Variants in GAL observed in about 807,000 individuals in gnomAD.
GAL encodes galanin and GMAP prepropeptide.
GAL carries 14 observed loss-of-function variants against 15.8 expected under a neutral mutation model. The ratio of observed to expected loss-of-function variants is 0.89; its 90% CI spans 0.59 to 1.39. GAL has a LOEUF of 1.39. GAL is among the 40% of genes most tolerant of loss of function. The probability of loss-of-function intolerance (pLI) is 0.00; values close to 1 mark genes in which losing one functional copy is unlikely to be tolerated. For synonymous variants in GAL, 79 were observed against 73.8 expected, an observed-to-expected ratio of 1.07 and a Z score of -0.36; for missense variants, 176 against 170.4, an observed-to-expected ratio of 1.03 and a Z score of -0.18.
chr11:68,685,043 T>A (rs1367796250), intron 2 of GAL, 39 bp downstream of exon 2: 1 of 1,389,556 alleles, frequency 7.2e-7, no homozygotes, highest in Admixed American at 1.9e-5. Flanking sequence ...GAAGGGGACA[T>A]CAGAGCCGGC....
Position 68,684,661 on chromosome 11 carries a change from G to GGACCTGCCGCCCA in GAL, c.-67_-55dup. On this transcript the variant is annotated 5_prime_UTR_variant, in exon 1 of 6. Coordinates refer to ENST00000265643, the MANE Select transcript of GAL (RefSeq NM_015973.5). ...GCCCACCCGACCCGGCCCGACGCCC[G>GGACCTGCCGCCCA]GACCTGCCGCCCAGACCCGCCACCG... The GGACCTGCCGCCCA allele has an allele frequency of 2.8e-6, 1 of 354,988 alleles. No individual in the cohort carries two copies. The highest frequency in any genetic ancestry group is 5.0e-6 in the Non-Finnish European group (1 of 198,388). 22.0% of individuals were successfully genotyped at this position (354,988 alleles called of 1,614,324 possible).
chr11:68,685,574 T>C lies in GAL; in HGVS notation c.82-20T>C, dbSNP rs1443106521. ...CTCCAGGCACAGCCCTGGCATCTGA[T>C]CCCCTTTTCTCCCTTCAAGGCCAAG... is the stretch of plus-strand genomic sequence containing the variant. On this transcript the variant is annotated intron_variant, in intron 2 of 5. Coordinates refer to ENST00000265643, the MANE Select transcript of GAL (RefSeq NM_015973.5). The C allele has an allele frequency of 3.1e-6, 5 of 1,596,508 alleles. No individual in the cohort carries two copies. The highest frequency in any genetic ancestry group is 4.3e-6 in the Non-Finnish European group (5 of 1,164,222).
intron 3 of GAL, 109 bp from the exon 4 acceptor site, chr11:68,687,905 G>T (rs762609605): frequency 4.3e-6 from 3 of 700,286 alleles, no homozygotes; most frequent in East Asian, 2.6e-5. Context: ...TTTCACAGTC[G>T]AGTTGCGTGT....
chr11:68,684,831 C>G, intron 1 of GAL, 93 bp from the exon 2 acceptor site: 2 of 745,476 alleles, frequency 2.7e-6, no homozygotes, highest in Non-Finnish European at 4.5e-6. Flanking sequence ...GCCCGGCCGC[C>G]GCCTCTGCTC....
At chr11:68,684,825 G>A (rs967075001) in intron 1 of GAL, 93 bp downstream of exon 1, 6 of 713,766 alleles carry the variant, frequency 8.4e-6, no homozygotes, top group Non-Finnish European at 1.4e-5. Context: ...GCCCTGGCCC[G>A]GCCGCCGCCT....
In GAL at chr11:68,688,048, GA is replaced by G; in HGVS notation, c.173del (p.Asn58MetfsTer15). 6.2e-7 allele frequency: 1 copy of G among 1,613,388 alleles called. No homozygotes were observed. Among genetic ancestry groups the G allele is most frequent in the Non-Finnish European group, 8.5e-7 (1 of 1,179,504 alleles). ...VGNHRSFSDKNGLTSKRELRP... is the reference protein window; with the variant it reads ...VGNHRSFSDKXGLTSKRELRP... Reference sequence around the variant, plus strand: ...GCAACCACAGGTCATTCAGCGACAAGAATGGCCTCACCAGCAAGCGGGAGCT... The same window carrying G: ...GCAACCACAGGTCATTCAGCGACAAGATGGCCTCACCAGCAAGCGGGAGCT... On this transcript the variant is annotated frameshift_variant, in exon 4 of 6. Transcript: ENST00000265643. LOFTEE classifies it high-confidence loss of function.
chr11:68,689,152 C>T (rs1255438886), intron 5 of GAL, among the ~76,000 whole-genome samples: 5 of 151,962 alleles, frequency 3.3e-5, no homozygotes, highest in South Asian at 2.1e-4. Context: ...GGAGGGCCAT[C>T]GGGCCAGCGC....
rs769058862 is a variant in GAL at position 68,688,926 on chromosome 11, G to A, written c.301G>A (p.Glu101Lys). The stretch of plus-strand genomic sequence containing the variant: ...GTTTCTGTCTTTCTTGCATCTCAAA[G>A]GTATGTGAAATATCATCAACTTAAC... ...IEFLSFLHLK[E>K]AGALDRLLDL... Residue 101 changes from glutamate (E) to lysine (K), a missense_variant and splice_region_variant, in exon 5 of 6, where the codon GAG becomes AAG. Glu to Lys is a moderately conservative substitution (Grantham distance 56, BLOSUM62 1). Transcript: ENST00000265643. 6 of 1,458,478 alleles carry A rather than the reference G, an allele frequency of 4.1e-6. No individual in the cohort carries two copies. In the South Asian group the frequency reaches 4.6e-5, roughly 11 times the overall value. The allele number at this position is 1,458,478 out of a possible 1,614,324, so 90.3% of individuals were successfully genotyped here. A position where few individuals can be genotyped will look rare whatever the true frequency, so the allele number is the denominator to read the frequency against.
chr11:68,685,254 G>C (rs947256374), intron 2 of GAL, among the ~76,000 whole-genome samples: 6 of 152,240 alleles, frequency 3.9e-5, no homozygotes, highest in Non-Finnish European at 8.8e-5. Context: ...TCTGCGCTTC[G>C]GGTCAGCGCC....
chr11:68,686,840 A>G (rs1160285252), intron 3 of GAL, among the ~76,000 whole-genome samples: 1 of 152,256 alleles, frequency 6.6e-6, no homozygotes, highest in Non-Finnish European at 1.5e-5. Context: ...AAACAAAGGC[A>G]GAACTGGTCA....
chr11:68,686,139 CCCT>C (rs1208335652), intron 3 of GAL, among the ~76,000 whole-genome samples: 1 of 152,202 alleles, frequency 6.6e-6, no homozygotes, highest in Non-Finnish European at 1.5e-5. Context: ...TGTGTCCCCT[CCCT>C]CTCCCTGTCC....
intron 5 of GAL, among the ~76,000 whole-genome samples, chr11:68,690,103 T>A (rs1214483749): frequency 6.9e-6 from 1 of 145,612 alleles, no homozygotes; most frequent in Non-Finnish European, 1.5e-5. Flanking sequence ...TAGACCGCTT[T>A]GCCTCTCCAG....
intron 2 of GAL, among the ~76,000 whole-genome samples, chr11:68,685,275 G>A (rs903013641): frequency 2.0e-5 from 3 of 152,264 alleles, no homozygotes; most frequent in Non-Finnish European, 4.4e-5. Flanking sequence ...TCGGGAAAGC[G>A]AGAAGCTCGC....
intron 3 of GAL, among the ~76,000 whole-genome samples, chr11:68,686,649 C>T (rs924140831): frequency 5.3e-5 from 8 of 152,178 alleles, no homozygotes; most frequent in African/African-American, 1.4e-4. Flanking sequence ...CGCCTGAGGC[C>T]GCGTGCGGAT....
At chr11:68,688,737 G>T in intron 4 of GAL, 112 bp from the exon 5 acceptor site, 1 of 671,496 alleles carries the variant, frequency 1.5e-6, no homozygotes, top group South Asian at 1.7e-5. Context: ...TCAGGCTGCT[G>T]GGATCAGATC....
At position 68,688,868 on chromosome 11, in the gene GAL, AC is replaced by A; in HGVS notation, c.245del (p.Pro82LeufsTer54). 6.4e-7 allele frequency: 1 copy of A among 1,563,070 alleles called. No homozygotes were observed. The highest frequency in any genetic ancestry group is 8.8e-7 in the Non-Finnish European group (1 of 1,133,550). ...TTCTAGGAAGCTTTGACAGGTCCAT[AC>A]CTGAAAACAATATCATGCGCACAAT... is the stretch of plus-strand genomic sequence containing the variant. ...MKPGSFDRSI[P>X]ENNIMRTIIE... On this transcript the variant is annotated frameshift_variant, in exon 5 of 6. Transcript: ENST00000265643. LOFTEE classifies it high-confidence loss of function.
chr11:68,685,732 G>A (rs888117760), intron 3 of GAL, 84 bp downstream of exon 3: 9 of 928,614 alleles, frequency 9.7e-6, no homozygotes, highest in South Asian at 5.5e-5. Flanking sequence ...CTCCGCCTGC[G>A]GCTGGGCAGA....
At chr11:68,689,952 C>T (rs931288356) in intron 5 of GAL, among the ~76,000 whole-genome samples, 1 of 152,178 alleles carries the variant, frequency 6.6e-6, no homozygotes, top group African/African-American at 2.4e-5. Flanking sequence ...TGGAGGGAGC[C>T]GGAAAGCGGC....
chr11:68,690,283 G>A (rs1945893137), intron 5 of GAL, among the ~76,000 whole-genome samples: 1 of 152,240 alleles, frequency 6.6e-6, no homozygotes, highest in African/African-American at 2.4e-5. Context: ...CTCCAGTGGA[G>A]ACCTTCAGTT....
Sources: allele counts gnomAD v4.1 joint callset (sites outside exome capture counted in the v4.1 genomes callset), GRCh38; gene constraint gnomAD v4.1.1; transcripts MANE v1.5; gene names NCBI Gene and HGNC (gene_info 2026-07-23, HGNC 2026-07-21).